MIPEP: variants seen among roughly 807,000 people sequenced by gnomAD.
MIPEP encodes the protein mitochondrial intermediate peptidase.
MIPEP carries 79 observed loss-of-function variants against 90.3 expected under a neutral mutation model. That is an observed-to-expected ratio of 0.87 (90% CI 0.73 to 1.05). The LOEUF is 1.05. Ranked by LOEUF, MIPEP falls within the 50% of genes least tolerant of loss-of-function variation. MIPEP has a pLI of 0.00. For missense variants in MIPEP, 940 were observed against 905.6 expected (o/e 1.04, Z -0.49); for synonymous variants, 334 against 315.8 (o/e 1.06, Z -0.61).
intron 16 of MIPEP, among the ~76,000 whole-genome samples, chr13:23,803,496 C>G (rs947802604): frequency 6.6e-6 from 1 of 152,160 alleles, no homozygotes; most frequent in Non-Finnish European, 1.5e-5. Context: ...CAGTGTGATA[C>G]AGGGCTGCAT....
At chr13:23,759,027 C>G (rs1952513798) in intron 17 of MIPEP, among the ~76,000 whole-genome samples, 1 of 152,190 alleles carries the variant, frequency 6.6e-6, no homozygotes, top group Non-Finnish European at 1.5e-5. Context: ...AAAAATAGCA[C>G]TCATCAGCCA....
intron 18 of MIPEP, among the ~76,000 whole-genome samples, chr13:23,747,341 G>A (rs1314994160): frequency 6.6e-6 from 1 of 152,162 alleles, no homozygotes; most frequent in Non-Finnish European, 1.5e-5. Context: ...GATGCCCAGG[G>A]CTTATGAAGA....
intron 10 of MIPEP, among the ~76,000 whole-genome samples, chr13:23,858,028 C>A (rs1416984000): frequency 2.6e-5 from 4 of 151,906 alleles, no homozygotes; most frequent in Non-Finnish European, 5.9e-5. Context: ...TTACCTAAAT[C>A]AACCTTAACT....
intron 16 of MIPEP, among the ~76,000 whole-genome samples, chr13:23,780,761 G>A (rs1362252531): frequency 6.6e-6 from 1 of 152,206 alleles, no homozygotes; most frequent in Non-Finnish European, 1.5e-5. Context: ...GTCCTTAAAT[G>A]ACCTGATGGA....
intron 7 of MIPEP, among the ~76,000 whole-genome samples, chr13:23,866,804 T>C (rs1220038266): frequency 3.3e-5 from 5 of 152,154 alleles, no homozygotes; most frequent in Admixed American, 6.5e-5. Context: ...TCCATCTAAC[T>C]GCCTACCCAA....
At chr13:23,793,143 A>G (rs1438341153) in intron 16 of MIPEP, among the ~76,000 whole-genome samples, 1 of 152,254 alleles carries the variant, frequency 6.6e-6, no homozygotes, top group Non-Finnish European at 1.5e-5. Flanking sequence ...TATTCATAGG[A>G]ACTTTATTCA....
chr13:23,820,531 A>G (rs1055018504), intron 14 of MIPEP, among the ~76,000 whole-genome samples: 1 of 152,172 alleles, frequency 6.6e-6, no homozygotes, highest in African/African-American at 2.4e-5. Context: ...CTAATAAAAG[A>G]AAGAATTCTT....
At chr13:23,760,017 C>G (rs973177911) in intron 17 of MIPEP, 79 bp downstream of exon 17, 32 of 1,579,158 alleles carry the variant, frequency 2.0e-5, no homozygotes, top group Non-Finnish European at 2.5e-5. Flanking sequence ...CTGCAGTTCT[C>G]GAGCCCGACT....
At position 23,889,313 on chromosome 13, in the gene MIPEP, C is replaced by G; in HGVS notation, c.8G>C (p.Cys3Ser). The part of the protein sequence containing the change: ML[C>S]VGRLGGLGAR... ...TCCCAAGCCGCCCAGCCTTCCGACG[C>G]ACAGCATTCTAGCACCAGAGCAGTC... is the stretch of plus-strand genomic sequence containing the variant. Residue 3 changes from cysteine to serine, a missense_variant, in exon 1 of 19, where the codon TGC becomes TCC. Coordinates refer to ENST00000382172, the MANE Select transcript of MIPEP (RefSeq NM_005932.4). The G allele has an allele frequency of 1.5e-6, 2 of 1,346,684 alleles. No individual in the cohort carries two copies. The highest frequency in any genetic ancestry group is 1.9e-6 in the Non-Finnish European group (2 of 1,047,490). The allele number at this position is 1,346,684 out of a possible 1,614,324, so 83.4% of individuals were successfully genotyped here.
chr13:23,854,166 A>C (rs1442852857), intron 10 of MIPEP, among the ~76,000 whole-genome samples: 1 of 147,612 alleles, frequency 6.8e-6, no homozygotes, highest in Non-Finnish European at 1.5e-5. Flanking sequence ...TCTACTAAAA[A>C]TACAAAAAAT....
At chr13:23,876,201 A>C (rs1255137928) in intron 4 of MIPEP, among the ~76,000 whole-genome samples, 1 of 152,132 alleles carries the variant, frequency 6.6e-6, no homozygotes, top group Non-Finnish European at 1.5e-5. Context: ...CCAAACCAGA[A>C]CTACTATTCT....
chr13:23,833,135 C>T (rs559003109), intron 14 of MIPEP, among the ~76,000 whole-genome samples: 1 of 152,186 alleles, frequency 6.6e-6, no homozygotes, highest in East Asian at 1.9e-4. Context: ...AACATGCAAC[C>T]CTGTTATTTT....
chr13:23,842,607 G>C (rs183603630), intron 10 of MIPEP: 3 of 152,414 alleles, frequency 2.0e-5, no homozygotes, highest in African/African-American at 7.2e-5. Flanking sequence ...TGTCTAAGCA[G>C]CTGGCACTGA....
intron 18 of MIPEP, among the ~76,000 whole-genome samples, chr13:23,750,310 TC>T (rs1258644680): frequency 1.3e-5 from 2 of 152,196 alleles, no homozygotes; most frequent in Admixed American, 1.3e-4. Flanking sequence ...CTGTCTTTTT[TC>T]TGTTCCAGGA....
intron 16 of MIPEP, among the ~76,000 whole-genome samples, chr13:23,787,404 G>C (rs925505814): frequency 2.7e-4 from 4 of 14,690 alleles, no homozygotes; most frequent in Admixed American, 3.1e-3. Flanking sequence ...GACGGGGAGA[G>C]GGAGAGAGAG....
intron 16 of MIPEP, among the ~76,000 whole-genome samples, chr13:23,771,136 C>A (rs754591451): frequency 6.6e-6 from 1 of 152,142 alleles, no homozygotes; most frequent in African/African-American, 2.4e-5. Context: ...CTGCACTTAC[C>A]GGCTGCACAG....
chr13:23,865,653 G>A (rs1478963549), intron 7 of MIPEP, among the ~76,000 whole-genome samples: 1 of 148,480 alleles, frequency 6.7e-6, no homozygotes, highest in South Asian at 2.1e-4. Context: ...TTTTACATGT[G>A]AAGAATCTGC....
Position 23,761,986 on chromosome 13 carries a change from G to A in MIPEP, c.1849-1769C>T, listed in dbSNP as rs181383017. Among the ~76,000 whole-genome samples the A allele has an allele frequency of 5.9e-5, 9 of 152,194 alleles. No homozygotes were observed. In the East Asian group the frequency reaches 1.2e-3, roughly 20 times the overall value. ...CTAAACATACAAAAATTAGCCAGGCGTGGCGGCACAAGTCTGTAATCTCAG... is the reference window on the plus strand; with the variant it reads ...CTAAACATACAAAAATTAGCCAGGCATGGCGGCACAAGTCTGTAATCTCAG... On this transcript the variant is annotated intron_variant, in intron 16 of 18. Coordinates refer to ENST00000382172, the MANE Select transcript of MIPEP (RefSeq NM_005932.4).
chr13:23,745,973 C>T (rs907340015), intron 18 of MIPEP, among the ~76,000 whole-genome samples: 1 of 149,634 alleles, frequency 6.7e-6, no homozygotes, highest in Non-Finnish European at 1.5e-5. Context: ...TTTGGGGATA[C>T]AACATCTGCT....
Sources: gnomAD v4.1 joint callset for allele counts (sites outside exome capture counted in the v4.1 genomes callset) on GRCh38, gnomAD v4.1.1 for gene constraint, MANE v1.5 for transcripts, NCBI Gene and HGNC (gene_info 2026-07-23, HGNC 2026-07-21) for gene names.